Variants in PTPRG observed in about 807,000 individuals in gnomAD.
The protein encoded by PTPRG is protein tyrosine phosphatase receptor type G.
Under a neutral mutation model 165.3 loss-of-function variants are expected in PTPRG, and 102 were observed. The observed-to-expected ratio is 0.62, with a 90% CI of 0.53 to 0.73. The LOEUF is 0.73. Ranked by LOEUF, PTPRG falls within the 30% of genes least tolerant of loss-of-function variation. The pLI is 0.00. For synonymous variants in PTPRG, 675 were observed against 669.5 expected (o/e 1.01, Z -0.13); for missense variants, 1,866 against 1,861.4 (o/e 1.00, Z -0.05).
chr3:61,930,055 T>G (rs1037267064), intron 2 of PTPRG, among the ~76,000 whole-genome samples: 1 of 151,196 alleles, frequency 6.6e-6, no homozygotes, highest in African/African-American at 2.4e-5. Flanking sequence ...TTTTTTTTTT[T>G]GCTTTTTACT....
At chr3:61,569,700 A>G (rs1245216317) in intron 1 of PTPRG, among the ~76,000 whole-genome samples, 6 of 152,228 alleles carry the variant, frequency 3.9e-5, no homozygotes, top group Non-Finnish European at 5.9e-5. Flanking sequence ...AACTGTATGT[A>G]TAGACAACTT....
intron 2 of PTPRG, among the ~76,000 whole-genome samples, chr3:61,952,159 A>T (rs1435027196): frequency 6.7e-6 from 1 of 149,190 alleles, no homozygotes; most frequent in Admixed American, 6.7e-5. Context: ...TCAGAATCCC[A>T]GTCTTCCTCA....
At chr3:62,039,977 T>A (rs1700073364) in intron 4 of PTPRG, among the ~76,000 whole-genome samples, 1 of 152,256 alleles carries the variant, frequency 6.6e-6, no homozygotes, top group African/African-American at 2.4e-5. Flanking sequence ...ATAGATTTAA[T>A]AAGAAATTGT....
Position 61,989,700 on chromosome 3 carries a change from T to C in PTPRG, c.266T>C (p.Leu89Ser), listed in dbSNP as rs2040838642. The stretch of plus-strand genomic sequence containing the variant: ...CGTCACCAGTCTCCTATTGACATTT[T>C]AGACCAGTATGCGCGTGTTGGGGAA... ...GGRHQSPIDI[L>S]DQYARVGEEY... The change falls in exon 3 of 30, where the codon TTA becomes TCA. Residue 89 changes from leucine (L) to serine (S), a missense_variant. This residue lies in a region of PTPRG where 408 missense variants were observed against 376.2 expected (regional missense o/e 1.08). Coordinates refer to ENST00000474889, the MANE Select transcript of PTPRG (RefSeq NM_002841.4). 6.2e-7 allele frequency: 1 copy of C among 1,614,032 alleles called. No homozygotes were observed. The highest frequency in any genetic ancestry group is 8.5e-7 in the Non-Finnish European group (1 of 1,180,008).
At chr3:62,135,111 A>G (rs1320662094) in intron 6 of PTPRG, among the ~76,000 whole-genome samples, 1 of 151,836 alleles carries the variant, frequency 6.6e-6, no homozygotes, top group African/African-American at 2.4e-5. Flanking sequence ...TGTCTCTACA[A>G]AAAAATACAA....
chr3:61,563,208 C>G (rs1699811819), intron 1 of PTPRG, among the ~76,000 whole-genome samples: 1 of 152,124 alleles, frequency 6.6e-6, no homozygotes, highest in South Asian at 2.1e-4. Context: ...TGATTTTTTT[C>G]CTGTCTCGCG....
chr3:61,942,012 T>C (rs2039644048), intron 2 of PTPRG, among the ~76,000 whole-genome samples: 1 of 151,892 alleles, frequency 6.6e-6, no homozygotes, highest in Non-Finnish European at 1.5e-5. Flanking sequence ...TACAAAAAAT[T>C]AGCCAGGCGC....
intron 1 of PTPRG, among the ~76,000 whole-genome samples, chr3:61,588,807 C>T (rs1399358109): frequency 6.6e-6 from 1 of 152,176 alleles, no homozygotes; most frequent in Non-Finnish European, 1.5e-5. Flanking sequence ...CACACACATA[C>T]TCATATATGC....
At chr3:61,943,535 G>A (rs1026828732) in intron 2 of PTPRG, among the ~76,000 whole-genome samples, 3 of 152,142 alleles carry the variant, frequency 2.0e-5, no homozygotes, top group Admixed American at 2.0e-4. Flanking sequence ...CCAAGATCGC[G>A]CCACTGCACT....
intron 4 of PTPRG, among the ~76,000 whole-genome samples, chr3:62,056,306 A>G (rs1015628976): frequency 1.3e-5 from 2 of 152,202 alleles, no homozygotes; most frequent in East Asian, 3.8e-4. Flanking sequence ...GTGATATTCT[A>G]TTTAGTCTAA....
chr3:61,660,176 G>C (rs1418895792), intron 1 of PTPRG, among the ~76,000 whole-genome samples: 3 of 152,194 alleles, frequency 2.0e-5, no homozygotes, highest in Non-Finnish European at 2.9e-5. Context: ...AGTGAGGTCA[G>C]ATCATGCCAC....
intron 1 of PTPRG, among the ~76,000 whole-genome samples, chr3:61,647,878 G>A (rs993681349): frequency 8.6e-5 from 13 of 151,458 alleles, no homozygotes; most frequent in African/African-American, 3.2e-4. Context: ...AATGTTTGGT[G>A]CCCTTGATGC....
At position 62,244,529 on chromosome 3, in the gene PTPRG, G is replaced by A. The variant is rs537991043; in HGVS notation, c.2467+631G>A. On this transcript the variant is annotated intron_variant, in intron 15 of 29. Transcript: ENST00000474889. ...TCTTTGCCAGATTTTAACTTTCTAC[G>A]TCCTGGTTTCATTATGTGCTTCCAA... Among the ~76,000 whole-genome samples the A allele has an allele frequency of 2.7e-4, 41 of 152,122 alleles. 1 individual carries two copies. Among genetic ancestry groups the A allele is most frequent in the Admixed American group, 5.2e-4 (8 of 15,278 alleles).
In PTPRG at chr3:61,945,861, G is replaced by A. The variant is rs902817641; in HGVS notation, c.191-43764G>A. ...GAGGAGGCATGGCAGCAGACAAGACGGCTATTTCTGTCCCATTAGGTGAGA... is the reference window on the plus strand; with the variant it reads ...GAGGAGGCATGGCAGCAGACAAGACAGCTATTTCTGTCCCATTAGGTGAGA... On this transcript the variant is annotated intron_variant, in intron 2 of 29. Transcript: ENST00000474889. 3.3e-5 allele frequency among the ~76,000 whole-genome samples: 5 copies of A among 152,156 alleles called. No individual in the cohort carries two copies. The East Asian group carries it at 9.6e-4, about 29-fold the overall frequency.
intron 5 of PTPRG, among the ~76,000 whole-genome samples, chr3:62,086,183 G>C (rs1056165064): frequency 3.9e-5 from 6 of 151,970 alleles, no homozygotes; most frequent in Non-Finnish European, 8.8e-5. Context: ...TATTTATGGT[G>C]ACCTAAATTA....
intron 1 of PTPRG, among the ~76,000 whole-genome samples, chr3:61,638,045 G>A (rs764550647): frequency 3.9e-5 from 6 of 152,128 alleles, no homozygotes; most frequent in Non-Finnish European, 8.8e-5. Flanking sequence ...AAAATTCTTG[G>A]TTATCTTTTA....
intron 2 of PTPRG, among the ~76,000 whole-genome samples, chr3:61,800,621 G>A (rs1438791621): frequency 6.6e-6 from 1 of 151,608 alleles, no homozygotes; most frequent in East Asian, 1.9e-4. Flanking sequence ...GAGAAAGAAG[G>A]GTGTTCCGTG....
intron 14 of PTPRG, among the ~76,000 whole-genome samples, chr3:62,239,625 G>T (rs1297243789): frequency 6.6e-6 from 1 of 152,038 alleles, no homozygotes; most frequent in Admixed American, 6.5e-5. Flanking sequence ...CTCCCAAAGT[G>T]CTGGGATTAC....
chr3:61,796,807 A>G (rs190910809), intron 2 of PTPRG, among the ~76,000 whole-genome samples: 21 of 152,314 alleles, frequency 1.4e-4, no homozygotes, highest in African/African-American at 5.1e-4. Flanking sequence ...ACCAGACACA[A>G]GGCAAGATTT....
Sources: allele counts gnomAD v4.1 joint callset (sites outside exome capture counted in the v4.1 genomes callset), GRCh38; gene constraint gnomAD v4.1.1; regional missense constraint gnomAD v4.1.1; transcripts MANE v1.5; gene names NCBI Gene and HGNC (gene_info 2026-07-23, HGNC 2026-07-21).